Variants in COL11A2 observed in about 807,000 individuals in gnomAD.
COL11A2 encodes collagen alpha-2(XI) chain.
Under a neutral mutation model 273.4 loss-of-function variants are expected in COL11A2, and 116 were observed. That is an observed-to-expected ratio of 0.42 (90% CI 0.36 to 0.49). The LOEUF is 0.49. Among genes scored for constraint, COL11A2 ranks in the 20% least tolerant of loss-of-function variants. COL11A2 has a pLI of 0.00. For synonymous variants in COL11A2, 782 were observed against 864.2 expected, an observed-to-expected ratio of 0.90 and a Z score of 1.67; for missense variants, 1,866 against 2,309.0, an observed-to-expected ratio of 0.81 and a Z score of 3.93.
rs1193940706 is a variant in COL11A2, at chr6:33,179,661, G to A, written c.1446+58C>T. The A allele has an allele frequency of 2.5e-6, 4 of 1,593,296 alleles. No homozygotes were observed. The highest frequency in any genetic ancestry group is 3.4e-6 in the Non-Finnish European group (4 of 1,167,810). On this transcript the variant is annotated intron_variant, in intron 13 of 65. Transcript: ENST00000341947. This position sits in a 1 kb window ranked among gnomAD's most constrained non-coding sequence, Gnocchi z 6.4. ...CCTCCCCTGCCGCACACTCACTCCAGCCAACCCTTCCAGTGCCCCCCAGAG... is the reference window on the plus strand; with the variant it reads ...CCTCCCCTGCCGCACACTCACTCCAACCAACCCTTCCAGTGCCCCCCAGAG...
upstream of COL11A2, chr6:33,192,570 C>T (rs1773280510): frequency 2.1e-6 from 1 of 475,402 alleles, no homozygotes; most frequent in African/African-American, 2.0e-5. Context: ...GAAACCCCAC[C>T]CTCAGTCTCC....
In COL11A2 at chr6:33,163,599, T is replaced by G; in HGVS notation, c.*79A>C. On this transcript the variant is annotated 3_prime_UTR_variant, in exon 66 of 66. Coordinates refer to ENST00000341947, the MANE Select transcript of COL11A2 (RefSeq NM_080680.3). The surrounding 1 kb of genome is among the most constrained non-coding windows in gnomAD (Gnocchi z 4.1). ...CTCCCTAGATAGTGAGGAGCCCTCTTGGGAGGTGGCACAGAGCTGATGTTG... is the reference window on the plus strand; with the variant it reads ...CTCCCTAGATAGTGAGGAGCCCTCTGGGGAGGTGGCACAGAGCTGATGTTG... The G allele has an allele frequency of 6.2e-7, 1 of 1,606,924 alleles. No homozygotes were observed. Among genetic ancestry groups the G allele is most frequent in the Non-Finnish European group, 8.5e-7 (1 of 1,174,604 alleles).
At chr6:33,188,187 C>T (rs1436992200) in intron 4 of COL11A2, among the ~76,000 whole-genome samples, 175 bp downstream of exon 4, 1 of 151,610 alleles carries the variant, frequency 6.6e-6, no homozygotes. Flanking sequence ...TATAGGTAGG[C>T]ATCTAGTTCT....
At position 33,167,700 on chromosome 6, in the gene COL11A2, A is replaced by G. The variant is rs1195042599; in HGVS notation, c.4014+99T>C. On this transcript the variant is annotated intron_variant, in intron 55 of 65. Transcript: ENST00000341947. This position sits in a 1 kb window ranked among gnomAD's most constrained non-coding sequence, Gnocchi z 6.1. ...ACGCCTGTCCCCATAAGGGCCCAAC[A>G]TGGGAGAGGTGGAGATGGGGTGGGC... 3.3e-6 allele frequency: 5 copies of G among 1,501,178 alleles called. No homozygotes were observed. The highest frequency in any genetic ancestry group is 4.6e-6 in the Non-Finnish European group (5 of 1,088,944). The allele number at this position is 1,501,178 out of a possible 1,614,324, so 93.0% of individuals were successfully genotyped here.
rs772395698 is a variant in COL11A2, at chr6:33,178,795, T to A, written c.1666-63A>T. On this transcript the variant is annotated intron_variant, in intron 17 of 65. Transcript: ENST00000341947. The surrounding 1 kb of genome is among the most constrained non-coding windows in gnomAD (Gnocchi z 4.6). ...CCTGTCCAAGCCCACCCCTCCCTAC[T>A]GCACCCTGAGCTGGGGGGGTGCTGA... 19 of 1,604,630 alleles carry A rather than the reference T, an allele frequency of 1.2e-5. No homozygotes were observed. Among genetic ancestry groups the A allele is most frequent in the Non-Finnish European group, 1.6e-5 (19 of 1,172,486 alleles).
In COL11A2 at chr6:33,178,844, G is replaced by A; in HGVS notation, c.1665+76C>T. 1.9e-6 allele frequency: 3 copies of A among 1,607,460 alleles called. No individual in the cohort carries two copies. The stretch of plus-strand genomic sequence containing the variant: ...GATCCTGGGGAAGCCTGGAGAACTA[G>A]GTCATCCCCAAGAAACAACTGAGCC... On this transcript the variant is annotated intron_variant, in intron 17 of 65. Coordinates refer to ENST00000341947, the MANE Select transcript of COL11A2 (RefSeq NM_080680.3). This position sits in a 1 kb window ranked among gnomAD's most constrained non-coding sequence, Gnocchi z 4.6.
rs1771331992 is a variant in COL11A2 at position 33,179,030 on chromosome 6, G to C, written c.1611+43C>G. On this transcript the variant is annotated intron_variant, in intron 16 of 65. Transcript: ENST00000341947. This position sits in a 1 kb window ranked among gnomAD's most constrained non-coding sequence, Gnocchi z 6.4. Reference sequence around the variant, plus strand: ...AGGGCCGCAGTCCCCTACCCTGCAGGCCCTGTCTCCCCACAACACCCATCC... The same window carrying C: ...AGGGCCGCAGTCCCCTACCCTGCAGCCCCTGTCTCCCCACAACACCCATCC... The C allele has an allele frequency of 6.2e-7, 1 of 1,613,968 alleles. No homozygotes were observed. The highest frequency in any genetic ancestry group is 2.2e-5 in the East Asian group (1 of 44,866).
rs932914745 is a variant in COL11A2, at chr6:33,172,389, A to G, written c.2899-11T>C. Reference sequence around the variant, plus strand: ...GGGACCAGGGTCACCCTAAAAGGAAAGGAGAGGTGATGAGCCACAGCCATG... The same window carrying G: ...GGGACCAGGGTCACCCTAAAAGGAAGGGAGAGGTGATGAGCCACAGCCATG... On this transcript the variant is annotated splice_polypyrimidine_tract_variant and intron_variant, in intron 39 of 65. Transcript: ENST00000341947. 1.1e-5 allele frequency: 17 copies of G among 1,580,544 alleles called. 1 individual carries two copies. In the Admixed American group the frequency reaches 1.5e-4, roughly 14 times the overall value.
Position 33,173,446 on chromosome 6 carries a change from G to A in COL11A2, c.2683-45C>T. 6.2e-7 allele frequency: 1 copy of A among 1,612,548 alleles called. No individual in the cohort carries two copies. Among genetic ancestry groups the A allele is most frequent in the Non-Finnish European group, 8.5e-7 (1 of 1,179,392 alleles). On this transcript the variant is annotated intron_variant, in intron 36 of 65. Coordinates refer to ENST00000341947, the MANE Select transcript of COL11A2 (RefSeq NM_080680.3). The surrounding 1 kb of genome is among the most constrained non-coding windows in gnomAD (Gnocchi z 6.3). ...CAGGTGAACTCTCAGCTGGAAAGCA[G>A]GTAGGGAAGAAGGACTCAGAGAAGC...
intron 31 of COL11A2, 85 bp from the exon 32 acceptor site, chr6:33,174,303 A>G (rs1770592800): frequency 6.6e-7 from 1 of 1,517,100 alleles, no homozygotes; most frequent in Non-Finnish European, 9.0e-7. Flanking sequence ...GAGAGGCCAC[A>G]AAGGCAGTGG....
chr6:33,168,461 C>T (rs979021928), intron 54 of COL11A2, 58 bp downstream of exon 54: 1 of 1,593,934 alleles, frequency 6.3e-7, no homozygotes, highest in Non-Finnish European at 8.6e-7. Flanking sequence ...ATTGCCCAGC[C>T]TCCACCCACA....
rs1771615810 is a variant in COL11A2 at position 33,180,710 on chromosome 6, G to T, written c.1242C>A (p.Gly414=). 1.2e-6 allele frequency: 2 copies of T among 1,611,154 alleles called. No individual in the cohort carries two copies. The highest frequency in any genetic ancestry group is 1.3e-5 in the African/African-American group (1 of 74,884). The change falls in exon 11 of 66, where the codon GGC becomes GGA. Residue 414 remains glycine, a synonymous_variant. Transcript: ENST00000341947. ...EGPAGLIGPP[G]IQGNPGPVGD... Reference sequence around the variant, plus strand: ...CAACTGGGCCTGGGTTCCCCTGGATGCCAGGGGGACCAATCAATCCCTGAG... The same window carrying T: ...CAACTGGGCCTGGGTTCCCCTGGATTCCAGGGGGACCAATCAATCCCTGAG...
In COL11A2 at chr6:33,169,912, C is replaced by T. The variant is rs9277929; in HGVS notation, c.3637-28G>A. The stretch of plus-strand genomic sequence containing the variant: ...GCAAAGAGATTAGAGTCAAAAACCT[C>T]CTCTCCTTCCCCAGCCAAAAAATTC... On this transcript the variant is annotated intron_variant, in intron 49 of 65. Coordinates refer to ENST00000341947, the MANE Select transcript of COL11A2 (RefSeq NM_080680.3). This position sits in a 1 kb window ranked among gnomAD's most constrained non-coding sequence, Gnocchi z 5.5. The T allele has an allele frequency of 0.1, 169,194 of 1,613,916 alleles. 10,053 individuals carry two copies. The highest frequency in any genetic ancestry group is 0.21 in the South Asian group (18,821 of 91,070).
chr6:33,163,862 AC>A lies in COL11A2; in HGVS notation c.5071-45del, dbSNP rs768147249. ...AAGAAAGTGTGAGCAGGATGGAGGC[AC>A]CCCCCACCCTCTAACCTCAGGCCCA... On this transcript the variant is annotated intron_variant, in intron 65 of 65. Transcript: ENST00000341947. The surrounding 1 kb of genome is among the most constrained non-coding windows in gnomAD (Gnocchi z 4.1). 3.1e-6 allele frequency: 5 copies of A among 1,612,048 alleles called. No individual in the cohort carries two copies. In the South Asian group the frequency reaches 3.3e-5, roughly 11 times the overall value.
Position 33,189,313 on chromosome 6 carries a change from C to T in COL11A2, c.232+7G>A, listed in dbSNP as rs1381775999. ...CCCCCAGGCCTACCCCACCATGTCA[C>T]CCATACCTGGGAAAAGCTGGCGAGT... On this transcript the variant is annotated splice_region_variant and intron_variant, in intron 2 of 65. Transcript: ENST00000341947. The surrounding 1 kb of genome is among the most constrained non-coding windows in gnomAD (Gnocchi z 5.6). 2 of 1,613,948 alleles carry T rather than the reference C, an allele frequency of 1.2e-6. No homozygotes were observed. The highest frequency in any genetic ancestry group is 1.3e-5 in the African/African-American group (1 of 75,036).
At position 33,168,537 on chromosome 6, in the gene COL11A2, T is replaced by A; in HGVS notation, c.3942A>T (p.Pro1314=). 1 of 1,613,582 alleles carries A rather than the reference T, an allele frequency of 6.2e-7. No individual in the cohort carries two copies. The highest frequency in any genetic ancestry group is 1.1e-5 in the South Asian group (1 of 91,076). ...CACTTACTCGCTTTCCAAGTGGCCC[T>A]GGGGGTCCATTCTCCCCGGTGGGAC... ...SPGPTGENGP[P]GPLGKRGPAG... The change falls in exon 54 of 66, where the codon CCA becomes CCT. Residue 1314 remains proline, a synonymous_variant. Transcript: ENST00000341947.
In COL11A2 at chr6:33,166,807, T is replaced by G. The variant is rs1470140668; in HGVS notation, c.4251A>C (p.Gly1417=). 6.2e-7 allele frequency: 1 copy of G among 1,613,176 alleles called. No homozygotes were observed. The highest frequency in any genetic ancestry group is 2.2e-5 in the East Asian group (1 of 44,860). ...KGEKGHPGLI[G]LIGPPGEQGE... is the part of the protein sequence containing the mutation. ...CCTGCTCACCCGGGGGCCCAATCAG[T>G]CCAATGAGACCTGGGTGGCCCTAGA... is the stretch of plus-strand genomic sequence containing the variant. The change falls in exon 59 of 66, where the codon GGA becomes GGC. Residue 1417 remains glycine, a synonymous_variant. Coordinates refer to ENST00000341947, the MANE Select transcript of COL11A2 (RefSeq NM_080680.3). This position sits in a 1 kb window ranked among gnomAD's most constrained non-coding sequence, Gnocchi z 4.8.
Position 33,167,639 on chromosome 6 carries a change from C to G in COL11A2, c.4015-106G>C. ...CAGGAGGCAGGGAGGAAGGGCCAAA[C>G]TCTAGGAGCCCCTAGCGCAGGAACA... is the stretch of plus-strand genomic sequence containing the variant. On this transcript the variant is annotated intron_variant, in intron 55 of 65. Transcript: ENST00000341947. This position sits in a 1 kb window ranked among gnomAD's most constrained non-coding sequence, Gnocchi z 6.1. 2 of 1,472,244 alleles carry G rather than the reference C, an allele frequency of 1.4e-6. No homozygotes were observed. The highest frequency in any genetic ancestry group is 1.9e-6 in the Non-Finnish European group (2 of 1,065,938). The allele number at this position is 1,472,244 out of a possible 1,614,324, so 91.2% of individuals were successfully genotyped here. A position where few individuals can be genotyped will look rare whatever the true frequency, so the allele number is the denominator to read the frequency against.
chr6:33,189,442 G>A lies in COL11A2; in HGVS notation c.110C>T (p.Ala37Val). 6.2e-7 allele frequency: 1 copy of A among 1,613,066 alleles called. No homozygotes were observed. Among genetic ancestry groups the A allele is most frequent in the Non-Finnish European group, 8.5e-7 (1 of 1,180,016 alleles). Residue 37 changes from alanine to valine, a missense_variant, in exon 2 of 66, where the codon GCC becomes GTC. Transcript: ENST00000341947. This position sits in a 1 kb window ranked among gnomAD's most constrained non-coding sequence, Gnocchi z 5.6. ...ATCAGGGAGGGAGGGGAACCTCAGG[G>A]CCCGGAGCACATCCACAGGGGGTGC... ...AGAPPVDVLR[A>V]LRFPSLPDGV...
Sources: gnomAD v4.1 joint callset for allele counts (sites outside exome capture counted in the v4.1 genomes callset) on GRCh38, gnomAD v4.1.1 for gene constraint, Gnocchi (gnomAD v3.1) non-coding constraint, MANE v1.5 for transcripts, NCBI Gene and HGNC (gene_info 2026-07-23, HGNC 2026-07-21) for gene names.